Variants in USP45 observed in about 807,000 individuals in gnomAD.
The protein encoded by USP45 is ubiquitin carboxyl-terminal hydrolase 45.
USP45 carries 89 observed loss-of-function variants against 95.8 expected under a neutral mutation model. The observed-to-expected ratio is 0.93, with a 90% confidence interval of 0.78 to 1.11. The LOEUF (loss-of-function observed/expected upper bound fraction) is 1.11, where lower values mean the gene tolerates loss of function less well. USP45 is among the 50% of genes least tolerant of loss of function. The pLI, the probability that USP45 is intolerant of heterozygous loss-of-function variation, is 0.00. For synonymous variants in USP45, 281 were observed against 316.2 expected, an observed-to-expected ratio of 0.89 and a Z score of 1.18; for missense variants, 898 against 942.5, an observed-to-expected ratio of 0.95 and a Z score of 0.62.
chr6:99,452,603 G>A (rs1784137627), intron 13 of USP45, among the ~76,000 whole-genome samples: 1 of 152,194 alleles, frequency 6.6e-6, no homozygotes, highest in Non-Finnish European at 1.5e-5. Flanking sequence ...TTCAACTATT[G>A]TGGAAGACAG....
intron 13 of USP45, among the ~76,000 whole-genome samples, chr6:99,449,725 T>A (rs1783425031): frequency 6.6e-6 from 1 of 152,166 alleles, no homozygotes; most frequent in African/African-American, 2.4e-5. Flanking sequence ...ATCAACAGAA[T>A]ATACATTCTT....
chr6:99,492,664 G>A lies in USP45; in HGVS notation c.479-3844C>T, dbSNP rs1402255341. On this transcript the variant is annotated intron_variant, in intron 5 of 17. Coordinates refer to ENST00000500704, the MANE Select transcript of USP45 (RefSeq NM_001346022.3). The stretch of plus-strand genomic sequence containing the variant: ...CATGCGCCACCATGCCTAACTTTTT[G>A]TATTTTTAGTAGAGATGGGGTTTCA... Among the ~76,000 whole-genome samples the A allele has an allele frequency of 1.0e-4, 4 of 38,450 alleles. No individual in the cohort carries two copies. The African/African-American group carries it at 1.5e-3, about 14-fold the overall frequency. 25.2% of individuals were successfully genotyped at this position (38,450 alleles called of 152,430 possible). A position where few individuals can be genotyped will look rare whatever the true frequency, so the allele number is the denominator to read the frequency against.
At chr6:99,453,243 T>C (rs1318310942) in intron 13 of USP45, among the ~76,000 whole-genome samples, 2 of 149,386 alleles carry the variant, frequency 1.3e-5, no homozygotes, top group Non-Finnish European at 3.0e-5. Context: ...ACAGACGACA[T>C]AATCTTACAT....
intron 4 of USP45, among the ~76,000 whole-genome samples, 192 bp downstream of exon 4, chr6:99,507,236 A>C (rs1798750015): frequency 6.6e-6 from 1 of 152,196 alleles, no homozygotes; most frequent in Admixed American, 6.5e-5. Context: ...GAGATAGTTA[A>C]AATTTTTCCA....
At position 99,462,128 on chromosome 6, in the gene USP45, A is replaced by C. The variant is rs542783978; in HGVS notation, c.1308+2476T>G. On this transcript the variant is annotated intron_variant, in intron 13 of 17. Coordinates refer to ENST00000500704, the MANE Select transcript of USP45 (RefSeq NM_001346022.3). ...CTTTTTCCCATCAAAACCAAAAAAA[A>C]GGTAACTCTATTACATGAAAAAAAC... The C allele has an allele frequency of 1.5e-5, 15 of 984,218 alleles. No homozygotes were observed. The South Asian group carries it at 5.6e-4, about 37-fold the overall frequency. 61.0% of individuals were successfully genotyped at this position (984,218 alleles called of 1,614,324 possible). A position where few individuals can be genotyped will look rare whatever the true frequency, so the allele number is the denominator to read the frequency against.
intron 13 of USP45, among the ~76,000 whole-genome samples, chr6:99,464,391 T>C (rs1787354787): frequency 6.6e-6 from 1 of 152,206 alleles, no homozygotes; most frequent in Non-Finnish European, 1.5e-5. Context: ...TCAAAAATAA[T>C]CTGGGATTAT....
intron 7 of USP45, 122 bp from the exon 8 acceptor site, chr6:99,483,005 CTT>C: frequency 1.3e-6 from 1 of 769,340 alleles, no homozygotes; most frequent in South Asian, 6.2e-5. Context: ...TATTAAGAAA[CTT>C]TATTATTTCA....
intron 15 of USP45, among the ~76,000 whole-genome samples, chr6:99,442,715 C>A (rs1781751342): frequency 6.6e-6 from 1 of 151,474 alleles, no homozygotes; most frequent in East Asian, 2.0e-4. Flanking sequence ...GGTGTGGTGG[C>A]ACACACCTGT....
At chr6:99,436,153 GC>G (rs1450317042) in intron 17 of USP45, among the ~76,000 whole-genome samples, 1 of 150,768 alleles carries the variant, frequency 6.6e-6, no homozygotes, top group Non-Finnish European at 1.5e-5. Context: ...CCCTCCCCTA[GC>G]CCCCCTCCCC....
chr6:99,452,333 G>GAA (rs1442665068), intron 13 of USP45, among the ~76,000 whole-genome samples: 1 of 151,756 alleles, frequency 6.6e-6, no homozygotes, highest in Admixed American at 6.6e-5. Flanking sequence ...AAATTTACAA[G>GAA]AAAAAAACAA....
intron 13 of USP45, among the ~76,000 whole-genome samples, chr6:99,451,860 C>T (rs185641897): frequency 5.9e-5 from 9 of 152,242 alleles, no homozygotes; most frequent in Non-Finnish European, 8.8e-5. Flanking sequence ...GAACAGAACC[C>T]GCAGAAATAA....
intron 13 of USP45, chr6:99,462,812 A>G (rs1167887185): frequency 7.0e-6 from 3 of 429,714 alleles, no homozygotes; most frequent in Non-Finnish European, 9.5e-6. Flanking sequence ...ACAAAACCCT[A>G]TCTCTACAAA....
chr6:99,481,436 T>C (rs1792394387), intron 8 of USP45, among the ~76,000 whole-genome samples: 1 of 152,206 alleles, frequency 6.6e-6, no homozygotes, highest in Non-Finnish European at 1.5e-5. Flanking sequence ...GGAAGAAAAC[T>C]ATACAAAACA....
At chr6:99,509,759 T>G (rs1167003501) in intron 2 of USP45, among the ~76,000 whole-genome samples, 1 of 152,068 alleles carries the variant, frequency 6.6e-6, no homozygotes, top group Non-Finnish European at 1.5e-5. Flanking sequence ...CTAATATTTA[T>G]GCAGAAAACA....
intron 13 of USP45, among the ~76,000 whole-genome samples, chr6:99,457,963 G>C (rs1015627244): frequency 6.6e-6 from 1 of 152,100 alleles, no homozygotes; most frequent in African/African-American, 2.4e-5. Flanking sequence ...TGAGACTATA[G>C]AAAAGCCCAC....
At chr6:99,507,398 G>T in intron 4 of USP45, 30 bp downstream of exon 4, 3 of 1,403,902 alleles carry the variant, frequency 2.1e-6, no homozygotes, top group Non-Finnish European at 3.0e-6. Context: ...TGTGGTTAGT[G>T]GACACAAGAA....
In USP45 at chr6:99,433,440, T is replaced by C. The variant is rs1209250994; in HGVS notation, c.*2276A>G. On this transcript the variant is annotated 3_prime_UTR_variant, in exon 18 of 18. Coordinates refer to ENST00000500704, the MANE Select transcript of USP45 (RefSeq NM_001346022.3). ...TAGACTTGCTACTATATACATTTAC[T>C]ATCCCTGCAAATGTGCTTTGGAAAT... 6.6e-6 allele frequency: 1 copy of C among 152,638 alleles called. No individual in the cohort carries two copies. The highest frequency in any genetic ancestry group is 1.5e-5 in the Non-Finnish European group (1 of 68,038). 9.5% of individuals were successfully genotyped at this position (152,638 alleles called of 1,614,324 possible).
chr6:99,437,774 C>T (rs1780780902), intron 16 of USP45, among the ~76,000 whole-genome samples: 1 of 152,312 alleles, frequency 6.6e-6, no homozygotes, highest in South Asian at 2.1e-4. Context: ...TCTCCTGCCT[C>T]ACGTTCCCAA....
chr6:99,476,112 A>G, intron 9 of USP45, 31 bp downstream of exon 9: 1 of 1,590,166 alleles, frequency 6.3e-7, no homozygotes, highest in Non-Finnish European at 8.6e-7. Context: ...CTTCTTGAAG[A>G]GAATACATGA....
Sources: gnomAD v4.1 joint callset for allele counts (sites outside exome capture counted in the v4.1 genomes callset) on GRCh38, gnomAD v4.1.1 for gene constraint, MANE v1.5 for transcripts, NCBI Gene and HGNC (gene_info 2026-07-23, HGNC 2026-07-21) for gene names.